PLCB1: variants seen among roughly 807,000 people sequenced by gnomAD.
PLCB1 encodes the protein 1-phosphatidylinositol 4,5-bisphosphate phosphodiesterase beta-1.
In PLCB1, 46 loss-of-function variants were observed where a neutral mutation model predicts 161.8. The observed-to-expected ratio is 0.28, with a 90% CI of 0.22 to 0.36. The LOEUF is 0.36. Among genes scored for constraint, PLCB1 ranks in the 10% least tolerant of loss-of-function variants. The probability of loss-of-function intolerance (pLI) is 1.00; values close to 1 mark genes in which losing one functional copy is unlikely to be tolerated. For missense variants in PLCB1, 1,016 were observed against 1,472.5 expected (o/e 0.69, Z 5.07); for synonymous variants, 517 against 503.7 (o/e 1.03, Z -0.35).
chr20:8,352,243 T>C (rs1188005810), intron 2 of PLCB1, among the ~76,000 whole-genome samples: 1 of 152,128 alleles, frequency 6.6e-6, no homozygotes, highest in Non-Finnish European at 1.5e-5. Flanking sequence ...AAAGGCTGCA[T>C]CTTGTATAAT....
chr20:8,421,871 A>G (rs753812598), intron 3 of PLCB1, among the ~76,000 whole-genome samples: 2 of 152,212 alleles, frequency 1.3e-5, no homozygotes, highest in Non-Finnish European at 2.9e-5. Context: ...GGTAAAATGA[A>G]TATGCATGCT....
At chr20:8,527,872 T>G (rs565920942) in intron 3 of PLCB1, among the ~76,000 whole-genome samples, 1 of 152,208 alleles carries the variant, frequency 6.6e-6, no homozygotes, top group East Asian at 1.9e-4. Context: ...GTCATAACAG[T>G]GCTCAGTAAT....
At chr20:8,192,733 G>C (rs1192219123) in intron 2 of PLCB1, among the ~76,000 whole-genome samples, 1 of 151,844 alleles carries the variant, frequency 6.6e-6, no homozygotes, top group Non-Finnish European at 1.5e-5. Flanking sequence ...CAGACTTAAG[G>C]AATTGGATAG....
At chr20:8,681,805 C>T (rs978351391) in intron 9 of PLCB1, among the ~76,000 whole-genome samples, 42 of 152,212 alleles carry the variant, frequency 2.8e-4, no homozygotes, top group African/African-American at 9.7e-4. Context: ...TTGACCTAAT[C>T]AGAACATAAG....
intron 2 of PLCB1, among the ~76,000 whole-genome samples, chr20:8,179,261 A>G (rs2051814042): frequency 6.6e-6 from 1 of 152,162 alleles, no homozygotes; most frequent in Admixed American, 6.5e-5. Flanking sequence ...CTTCCTATCC[A>G]TAAGCGTGGA....
At chr20:8,691,715 T>C (rs1411559855) in intron 10 of PLCB1, among the ~76,000 whole-genome samples, 1 of 152,198 alleles carries the variant, frequency 6.6e-6, no homozygotes, top group Non-Finnish European at 1.5e-5. Flanking sequence ...CAATGCATTA[T>C]TATTATGTCT....
At chr20:8,743,189 A>G (rs115724914) in intron 23 of PLCB1, among the ~76,000 whole-genome samples, 2,484 of 152,292 alleles carry the variant, frequency 0.016, 43 homozygotes, top group African/African-American at 0.056. Context: ...TTGAACTGTT[A>G]TATATGGCTT....
chr20:8,408,570 C>A (rs1188403933), intron 3 of PLCB1, among the ~76,000 whole-genome samples: 1 of 151,666 alleles, frequency 6.6e-6, no homozygotes, highest in African/African-American at 2.4e-5. Flanking sequence ...TTAGCAAATT[C>A]TCTGATATTT....
At position 8,300,080 on chromosome 20, in the gene PLCB1, A is replaced by T. The variant is rs537430785; in HGVS notation, c.178-71302A>T. ...GCTGAGCTCACTCACATGTCTGGGG[A>T]TCATCGAGCTGCTGGCTGACTTAGG... On this transcript the variant is annotated intron_variant, in intron 2 of 31. Coordinates refer to ENST00000338037, the MANE Select transcript of PLCB1 (RefSeq NM_015192.4). Among the ~76,000 whole-genome samples, 11 of 152,234 alleles carry T rather than the reference A, an allele frequency of 7.2e-5. No homozygotes were observed. The East Asian group carries it at 1.7e-3, about 24-fold the overall frequency.
intron 23 of PLCB1, among the ~76,000 whole-genome samples, chr20:8,742,527 C>A (rs1422008594): frequency 1.3e-5 from 2 of 152,096 alleles, no homozygotes; most frequent in Non-Finnish European, 2.9e-5. Context: ...ACAAAGAAAT[C>A]AACTGTAATT....
At chr20:8,616,735 G>A (rs1988049873) in intron 3 of PLCB1, among the ~76,000 whole-genome samples, 1 of 152,160 alleles carries the variant, frequency 6.6e-6, no homozygotes, top group Non-Finnish European at 1.5e-5. Flanking sequence ...TGGAGCACTG[G>A]TCAACAGCAG....
intron 31 of PLCB1, among the ~76,000 whole-genome samples, chr20:8,857,181 C>T (rs190690470): frequency 6.6e-6 from 1 of 152,262 alleles, no homozygotes; most frequent in East Asian, 1.9e-4. Flanking sequence ...AGAGTAGAGG[C>T]ACATGTGGCC....
At chr20:8,744,013 A>G (rs1981017335) in intron 23 of PLCB1, among the ~76,000 whole-genome samples, 1 of 152,178 alleles carries the variant, frequency 6.6e-6, no homozygotes, top group Admixed American at 6.5e-5. Context: ...ATAGATACAA[A>G]TAAATCACTA....
chr20:8,603,454 G>T (rs1987659944), intron 3 of PLCB1, among the ~76,000 whole-genome samples: 1 of 152,192 alleles, frequency 6.6e-6, no homozygotes, highest in South Asian at 2.1e-4. Context: ...AGCATCACCA[G>T]CTGGCTCCAA....
intron 4 of PLCB1, among the ~76,000 whole-genome samples, chr20:8,633,442 G>A (rs1600211472): frequency 1.3e-5 from 2 of 152,016 alleles, no homozygotes; most frequent in African/African-American, 2.4e-5. Context: ...AATATAACAC[G>A]TAAATTTGGG....
intron 2 of PLCB1, among the ~76,000 whole-genome samples, chr20:8,166,670 T>C (rs2051678871): frequency 2.0e-5 from 3 of 152,140 alleles, no homozygotes; most frequent in African/African-American, 7.2e-5. Flanking sequence ...TTATTAAAGG[T>C]ACCACCCTTC....
chr20:8,203,365 G>T (rs1978348751), intron 2 of PLCB1, among the ~76,000 whole-genome samples: 1 of 152,136 alleles, frequency 6.6e-6, no homozygotes, highest in African/African-American at 2.4e-5. Flanking sequence ...ATTAATGGAA[G>T]AGTATTAGGA....
chr20:8,699,213 A>C (rs1990646741), intron 11 of PLCB1, among the ~76,000 whole-genome samples: 1 of 152,218 alleles, frequency 6.6e-6, no homozygotes, highest in Admixed American at 6.5e-5. Flanking sequence ...CCTGGGTCTC[A>C]GGGAAGTGTC....
chr20:8,878,428 G>GT (rs957193906), intron 31 of PLCB1, among the ~76,000 whole-genome samples: 72 of 152,268 alleles, frequency 4.7e-4, no homozygotes, highest in African/African-American at 1.6e-3. Flanking sequence ...CTTCTAAATT[G>GT]TTGGAACAGC....
Sources: gnomAD v4.1 joint callset for allele counts (sites outside exome capture counted in the v4.1 genomes callset) on GRCh38, gnomAD v4.1.1 for gene constraint, MANE v1.5 for transcripts, NCBI Gene and HGNC (gene_info 2026-07-23, HGNC 2026-07-21) for gene names.